The following WNK2 variants were observed in gnomAD, a reference collection of about 807,000 sequenced individuals.
The protein encoded by WNK2 is WNK lysine deficient protein kinase 2.
Under a neutral mutation model 192.1 loss-of-function variants are expected in WNK2, and 67 were observed. The ratio of observed to expected loss-of-function variants is 0.35; its 90% CI spans 0.29 to 0.43. The LOEUF is 0.43. Ranked by LOEUF, WNK2 falls within the 20% of genes least tolerant of loss-of-function variation. WNK2 has a pLI of 1.00. For missense variants in WNK2, 2,698 were observed against 3,089.7 expected, an observed-to-expected ratio of 0.87 and a Z score of 3.01; for synonymous variants, 1,439 against 1,393.9, an observed-to-expected ratio of 1.03 and a Z score of -0.72.
intron 28 of WNK2, 113 bp from the exon 29 acceptor site, chr9:93,317,407 C>T (rs1201087185): frequency 3.0e-6 from 3 of 1,012,686 alleles, no homozygotes; most frequent in East Asian, 2.5e-5. Flanking sequence ...CAGCAGGTTC[C>T]AGGACTGCTG....
chr9:93,253,814 T>C (rs188453203), intron 9 of WNK2, among the ~76,000 whole-genome samples: 18 of 152,290 alleles, frequency 1.2e-4, no homozygotes, highest in Non-Finnish European at 2.1e-4. Flanking sequence ...AAAAACACTT[T>C]AGAAAGCAAA....
chr9:93,236,112 G>A (rs966888938), intron 5 of WNK2, among the ~76,000 whole-genome samples: 4 of 152,296 alleles, frequency 2.6e-5, no homozygotes, highest in African/African-American at 4.8e-5. Context: ...TGTGTGCAGC[G>A]GCCCTCCAGG....
At chr9:93,201,084 G>A (rs768465464) in intron 2 of WNK2, among the ~76,000 whole-genome samples, 4 of 152,164 alleles carry the variant, frequency 2.6e-5, no homozygotes, top group Non-Finnish European at 5.9e-5. Context: ...GAGGACCTAG[G>A]CGTCCCCTCC....
Position 93,297,100 on chromosome 9 carries a change from TTCCTCCCCTTGGCG to T in WNK2, c.5709-743_5709-730del, listed in dbSNP as rs1338990942. Among the ~76,000 whole-genome samples the T allele has an allele frequency of 3.9e-3, 505 of 130,680 alleles. 2 individuals are homozygous for T. Among genetic ancestry groups the T allele is most frequent in the Middle Eastern group, 0.013 (3 of 236 alleles). The allele number at this position is 130,680 out of a possible 152,430, so 85.7% of individuals were successfully genotyped here. ...CTCTTCTCGGCTTCCTCCCCTCGGC[TTCCTCCCCTTGGCG>T]TCCTCCCCTCGGCGTCCTCCCCTCG... On this transcript the variant is annotated intron_variant, in intron 23 of 29. Transcript: ENST00000427277.
chr9:93,282,491 A>C (rs1197519378), intron 19 of WNK2, among the ~76,000 whole-genome samples: 1 of 152,102 alleles, frequency 6.6e-6, no homozygotes, highest in East Asian at 1.9e-4. Flanking sequence ...CAAAGACATA[A>C]GATTATAAAA....
intron 2 of WNK2, among the ~76,000 whole-genome samples, chr9:93,188,437 G>C (rs993806713): frequency 1.4e-4 from 22 of 152,268 alleles, no homozygotes; most frequent in Non-Finnish European, 2.2e-4. Context: ...TCGAAGGGCA[G>C]TGAGGTGTTT....
rs368288697 is a variant in WNK2, at chr9:93,308,598, G to T, written c.6516+14G>T. ...GAGGCGCGGGCTGTGAGTGCGGGGC[G>T]GGTGGGGCGGGTGCTCCTGGGGTGG... On this transcript the variant is annotated intron_variant, in intron 28 of 29. Coordinates refer to ENST00000427277, the MANE Select transcript of WNK2 (RefSeq NM_006648.4). 3 of 1,532,386 alleles carry T rather than the reference G, an allele frequency of 2.0e-6. No individual in the cohort carries two copies. In the South Asian group the frequency reaches 3.6e-5, roughly 19 times the overall value. The allele number at this position is 1,532,386 out of a possible 1,614,324, so 94.9% of individuals were successfully genotyped here. A position where few individuals can be genotyped will look rare whatever the true frequency, so the allele number is the denominator to read the frequency against.
At chr9:93,301,033 T>C (rs1436284636) in intron 26 of WNK2, among the ~76,000 whole-genome samples, 1 of 152,210 alleles carries the variant, frequency 6.6e-6, no homozygotes, top group Non-Finnish European at 1.5e-5. Flanking sequence ...CTCCAATTGC[T>C]ACTAAGCCAA....
chr9:93,187,302 T>C (rs1829522404), intron 2 of WNK2, among the ~76,000 whole-genome samples: 1 of 152,170 alleles, frequency 6.6e-6, no homozygotes, highest in Non-Finnish European at 1.5e-5. Flanking sequence ...GGGTGGAGCC[T>C]GGCCTCTGTC....
chr9:93,246,409 T>C (rs946103785), intron 7 of WNK2, among the ~76,000 whole-genome samples: 3 of 152,198 alleles, frequency 2.0e-5, no homozygotes, highest in African/African-American at 4.8e-5. Context: ...AGTTCACAAG[T>C]ACGCATGTGT....
At chr9:93,222,054 C>T (rs891384760) in intron 2 of WNK2, among the ~76,000 whole-genome samples, 5 of 152,168 alleles carry the variant, frequency 3.3e-5, no homozygotes, top group African/African-American at 1.2e-4. Context: ...CACCTACTTC[C>T]TTCTGTGTGT....
intron 19 of WNK2, 137 bp from the exon 20 acceptor site, chr9:93,288,651 T>C (rs1848819331): frequency 4.4e-6 from 4 of 901,560 alleles, no homozygotes; most frequent in African/African-American, 1.7e-5. Flanking sequence ...GGCAGGAGCC[T>C]GGCGTGTCGG....
At position 93,208,950 on chromosome 9, in the gene WNK2, G is replaced by A. The variant is rs139045456; in HGVS notation, c.682-20746G>A. On this transcript the variant is annotated intron_variant, in intron 2 of 29. Transcript: ENST00000427277. ...TGCAGCAGAGCCCCTCCCTCTGATG[G>A]TGCCTTGGTGACCACAGCTCCGGGG... Among the ~76,000 whole-genome samples the A allele has an allele frequency of 5.3e-3, 811 of 152,196 alleles. 7 individuals carry two copies. The highest frequency in any genetic ancestry group is 0.018 in the African/African-American group (762 of 41,524).
intron 6 of WNK2, 27 bp downstream of exon 6, chr9:93,238,348 T>C (rs1355467399): frequency 2.5e-6 from 4 of 1,591,564 alleles, no homozygotes; most frequent in African/African-American, 1.3e-5. Flanking sequence ...GGCTGGGTTC[T>C]GGGGTCCATC....
chr9:93,231,731 C>G (rs982564097), intron 4 of WNK2, among the ~76,000 whole-genome samples: 7 of 152,230 alleles, frequency 4.6e-5, no homozygotes, highest in Non-Finnish European at 7.3e-5. Flanking sequence ...TTTCAGGCCT[C>G]AGTACAGACG....
At chr9:93,221,136 C>T (rs1055026623) in intron 2 of WNK2, among the ~76,000 whole-genome samples, 2 of 152,234 alleles carry the variant, frequency 1.3e-5, no homozygotes, top group Admixed American at 6.5e-5. Context: ...GAGGGCCAGT[C>T]CCAAAACTGA....
intron 28 of WNK2, among the ~76,000 whole-genome samples, chr9:93,311,631 G>GTGTGTGTGTA (rs1404733738): frequency 1.3e-5 from 2 of 151,836 alleles, no homozygotes; most frequent in East Asian, 1.9e-4. Context: ...GTGTGTGTGT[G>GTGTGTGTGTA]TGTGTGTGTT....
At position 93,259,237 on chromosome 9, in the gene WNK2, C is replaced by T. The variant is rs1244259183; in HGVS notation, c.2689C>T (p.Leu897=). The change falls in exon 12 of 30, where the codon CTG becomes TTG. Residue 897 remains leucine (L), a synonymous_variant. Transcript: ENST00000427277. The surrounding 1 kb of genome is among the most constrained non-coding windows in gnomAD (Gnocchi z 4.8). ...LAVAPPGVAA[L]SIHSAVAQLP... Reference sequence around the variant, plus strand: ...CGTAGCCCCACCGGGCGTGGCTGCCCTGTCCATTCATTCTGCCGTGGCCCA... The same window carrying T: ...CGTAGCCCCACCGGGCGTGGCTGCCTTGTCCATTCATTCTGCCGTGGCCCA... 23 of 1,613,280 alleles carry T rather than the reference C, an allele frequency of 1.4e-5. No individual in the cohort carries two copies. The highest frequency in any genetic ancestry group is 1.8e-5 in the Non-Finnish European group (21 of 1,179,792).
chr9:93,298,918 C>G (rs76751467), intron 24 of WNK2, among the ~76,000 whole-genome samples, 152 bp from the exon 25 acceptor site: 1 of 152,202 alleles, frequency 6.6e-6, no homozygotes, highest in Non-Finnish European at 1.5e-5. Flanking sequence ...CATCACTCCT[C>G]TGTGGGAGAT....
Sources: allele counts gnomAD v4.1 joint callset (sites outside exome capture counted in the v4.1 genomes callset), GRCh38; gene constraint gnomAD v4.1.1; non-coding constraint Gnocchi (gnomAD v3.1); transcripts MANE v1.5; gene names NCBI Gene and HGNC (gene_info 2026-07-23, HGNC 2026-07-21).